Variants in TMEM175 observed in about 807,000 individuals in gnomAD.
TMEM175 encodes transmembrane protein 175.
Under a neutral mutation model 36.5 loss-of-function variants are expected in TMEM175, and 36 were observed. The ratio of observed to expected loss-of-function variants is 0.99; its 90% CI spans 0.76 to 1.30. The LOEUF is 1.30. Ranked by LOEUF, TMEM175 falls within the 50% of genes most tolerant of loss-of-function variation. The pLI, the probability that TMEM175 is intolerant of heterozygous loss-of-function variation, is 0.00. For missense variants in TMEM175, 705 were observed against 692.8 expected, an observed-to-expected ratio of 1.02 and a Z score of -0.20; for synonymous variants, 339 against 313.4, an observed-to-expected ratio of 1.08 and a Z score of -0.86.
In TMEM175 at chr4:955,748, T is replaced by C. The variant is rs1729535552; in HGVS notation, c.707-7T>C. 6.2e-7 allele frequency: 1 copy of C among 1,612,162 alleles called. No homozygotes were observed. Among genetic ancestry groups the C allele is most frequent in the East Asian group, 2.2e-5 (1 of 44,830 alleles). ...TGGCCAGCTCCACCCTCCTGGCGTG[T>C]CCCCAGGCCACAGGGAGCCCTCGGC... On this transcript the variant is annotated splice_polypyrimidine_tract_variant and splice_region_variant and intron_variant, in intron 9 of 10. Transcript: ENST00000264771.
chr4:951,607 C>T (rs1449947299), intron 5 of TMEM175, 75 bp from the exon 6 acceptor site: 28 of 1,596,002 alleles, frequency 1.8e-5, no homozygotes, highest in East Asian at 2.2e-5. Flanking sequence ...TGTGCCTTCC[C>T]GGAGTGGGCT....
intron 6 of TMEM175, chr4:951,932 G>A (rs1309219686): frequency 1.8e-5 from 11 of 608,086 alleles, no homozygotes; most frequent in East Asian, 5.6e-5. Context: ...GGGAGTCACC[G>A]GCGCTCCCAG....
rs775103060 is a variant in TMEM175, at chr4:953,260, G to C, written c.533G>C (p.Arg178Thr). The C allele has an allele frequency of 6.2e-7, 1 of 1,614,018 alleles. No individual in the cohort carries two copies. Among genetic ancestry groups the C allele is most frequent in the African/African-American group, 1.3e-5 (1 of 75,066 alleles). The change falls in exon 8 of 11, where the codon AGG (arginine) becomes ACG (threonine). Residue 178 changes from arginine to threonine, a missense_variant. Arg to Thr is a moderately conservative substitution (Grantham distance 71, BLOSUM62 -1). Transcript: ENST00000264771. The part of the protein sequence containing the change: ...LSPQIQRSAH[R>T]ALYRRHVLGI... ...CCGCAGATCCAGCGCTCTGCCCACA[G>C]GGCTCTGTACCGACGACACGTCCTG...
chr4:947,611 C>G (rs904910074), intron 1 of TMEM175, 98 bp from the exon 2 acceptor site: 38 of 913,134 alleles, frequency 4.2e-5, no homozygotes, highest in East Asian at 5.3e-5. Context: ...GCCAAGCCCC[C>G]CCCCATACCA....
intron 5 of TMEM175, 145 bp from the exon 6 acceptor site, chr4:951,537 C>T: frequency 9.4e-7 from 1 of 1,064,484 alleles, no homozygotes; most frequent in Non-Finnish European, 1.4e-6. Context: ...TCTGGCCCTG[C>T]AGGGTCTGGG....
rs577842900 is a variant in TMEM175, at chr4:955,827, G to A, written c.779G>A (p.Arg260His). Residue 260 changes from arginine (R) to histidine (H), a missense_variant, in exon 10 of 11, where the codon CGC becomes CAC. Coordinates refer to ENST00000264771, the MANE Select transcript of TMEM175 (RefSeq NM_032326.4). ...FDLHEPLSKE[R>H]VEAFSDGVYA... ...CTCCACGAGCCACTCAGCAAGGAGC[G>A]CGTGGAAGCCTTCAGCGACGGAGTC... is the stretch of plus-strand genomic sequence containing the variant. 28 of 1,613,960 alleles carry A rather than the reference G, an allele frequency of 1.7e-5. No homozygotes were observed. Among genetic ancestry groups the A allele is most frequent in the Admixed American group, 8.3e-5 (5 of 59,996 alleles).
intron 7 of TMEM175, 93 bp from the exon 8 acceptor site, chr4:953,097 T>C: frequency 1.5e-6 from 2 of 1,360,138 alleles, no homozygotes; most frequent in South Asian, 1.4e-5. Flanking sequence ...CTCGAGACCC[T>C]TGCGTGCGTG....
intron 1 of TMEM175, 41 bp from the exon 2 acceptor site, chr4:947,668 G>A: frequency 1.3e-6 from 2 of 1,521,618 alleles, no homozygotes; most frequent in Non-Finnish European, 1.8e-6. Context: ...CGACCTCCAG[G>A]AGCGCCCCAC....
At chr4:947,250 C>G (rs1227355842) in intron 1 of TMEM175, among the ~76,000 whole-genome samples, 1 of 143,574 alleles carries the variant, frequency 7.0e-6, no homozygotes, top group African/African-American at 2.6e-5. Context: ...GCCCCGAGAG[C>G]GAGAGCGGGG....
intron 1 of TMEM175, among the ~76,000 whole-genome samples, chr4:943,921 A>G (rs1021980034): frequency 3.9e-5 from 6 of 152,350 alleles, no homozygotes; most frequent in African/African-American, 1.2e-4. Flanking sequence ...TGATACTCCC[A>G]GCACCACAGA....
chr4:946,478 G>A (rs970804015), intron 1 of TMEM175, among the ~76,000 whole-genome samples: 6 of 152,118 alleles, frequency 3.9e-5, no homozygotes, highest in African/African-American at 1.2e-4. Context: ...TGCCTGGTTG[G>A]CACGAGGCTG....
chr4:933,611 C>T (rs1464864251), intron 1 of TMEM175, among the ~76,000 whole-genome samples: 1 of 152,144 alleles, frequency 6.6e-6, no homozygotes, highest in Admixed American at 6.5e-5. Flanking sequence ...AGAGTGGTCC[C>T]TTGAGGTAAG....
intron 4 of TMEM175, 102 bp from the exon 5 acceptor site, chr4:951,105 C>A: frequency 1.7e-6 from 2 of 1,158,782 alleles, no homozygotes; most frequent in Admixed American, 1.8e-5. Flanking sequence ...ACAGTGACAT[C>A]TTTTAATGAT....
In TMEM175 at chr4:955,559, G is replaced by A. The variant is rs868826743; in HGVS notation, c.706+76G>A. The A allele has an allele frequency of 1.6e-5, 24 of 1,511,798 alleles. No individual in the cohort carries two copies. In the African/African-American group the frequency reaches 2.8e-4, roughly 17 times the overall value. 93.6% of individuals were successfully genotyped at this position (1,511,798 alleles called of 1,614,324 possible). Reference sequence around the variant, plus strand: ...TCCGTGCGGCTGCTCCGCACTGAGGGCTGTCCGTGGGCCGAGGCCCGTGTG... The same window carrying A: ...TCCGTGCGGCTGCTCCGCACTGAGGACTGTCCGTGGGCCGAGGCCCGTGTG... On this transcript the variant is annotated intron_variant, in intron 9 of 10. Coordinates refer to ENST00000264771, the MANE Select transcript of TMEM175 (RefSeq NM_032326.4).
chr4:956,044 A>C (rs1036683370), intron 10 of TMEM175, 154 bp downstream of exon 10: 8 of 979,030 alleles, frequency 8.2e-6, no homozygotes, highest in Non-Finnish European at 2.9e-6. Context: ...GGCAGCCCCC[A>C]CTTCAGGGAG....
At chr4:956,002 C>A in intron 10 of TMEM175, 112 bp downstream of exon 10, 1 of 1,323,892 alleles carries the variant, frequency 7.6e-7, no homozygotes. Context: ...CTCCACCCTC[C>A]TCTGGATGCC....
chr4:949,418 A>T (rs1453821057), intron 3 of TMEM175, among the ~76,000 whole-genome samples: 1 of 152,210 alleles, frequency 6.6e-6, no homozygotes, highest in Non-Finnish European at 1.5e-5. Flanking sequence ...GAACACATTT[A>T]TGTGAAGAGG....
At chr4:954,058 G>A (rs560231305) in intron 8 of TMEM175, among the ~76,000 whole-genome samples, 17 of 151,304 alleles carry the variant, frequency 1.1e-4, no homozygotes, top group African/African-American at 1.7e-4. Flanking sequence ...GCGCAATCTC[G>A]GCTCATTGCA....
rs776491204 is a variant in TMEM175, at chr4:952,437, T to C, written c.449T>C (p.Ile150Thr). The C allele has an allele frequency of 6.9e-6, 11 of 1,591,474 alleles. No homozygotes were observed. Among genetic ancestry groups the C allele is most frequent in the African/African-American group, 4.1e-5 (3 of 73,652 alleles). Residue 150 changes from isoleucine to threonine, a missense_variant, in exon 7 of 11, where the codon ATT becomes ACT. Physicochemically the swap from Ile to Thr is moderately conservative, Grantham distance 89. Transcript: ENST00000264771. ...IFLFCVCVIA[I>T]GVVQALIVGY... Reference sequence around the variant, plus strand: ...TTGTTCTGTGTGTGTGTGATCGCCATTGGGGTCGTGCAGGTAGGGGGCCTG... The same window carrying C: ...TTGTTCTGTGTGTGTGTGATCGCCACTGGGGTCGTGCAGGTAGGGGGCCTG...
Sources: allele counts gnomAD v4.1 joint callset (sites outside exome capture counted in the v4.1 genomes callset), GRCh38; gene constraint gnomAD v4.1.1; transcripts MANE v1.5; gene names NCBI Gene and HGNC (gene_info 2026-07-23, HGNC 2026-07-21).